The following QKI variants were observed in gnomAD, a reference collection of about 807,000 sequenced individuals.
The protein encoded by QKI is KH domain-containing RNA-binding protein QKI.
Under a neutral mutation model 39.0 loss-of-function variants are expected in QKI, and 10 were observed. That is an observed-to-expected ratio of 0.26 (90% CI 0.16 to 0.43). The LOEUF (loss-of-function observed/expected upper bound fraction) is 0.43. Among genes scored for constraint, QKI ranks in the 20% least tolerant of loss-of-function variants. The probability of loss-of-function intolerance (pLI) is 1.00; values close to 1 mark genes in which losing one functional copy is unlikely to be tolerated. For missense variants in QKI, 218 were observed against 428.0 expected (o/e 0.51, Z 4.33); for synonymous variants, 204 against 155.4 (o/e 1.31, Z -2.33).
At chr6:163,481,205 C>T (rs1793049255) in intron 3 of QKI, among the ~76,000 whole-genome samples, 1 of 152,126 alleles carries the variant, frequency 6.6e-6, no homozygotes, top group Non-Finnish European at 1.5e-5. Context: ...TTAAACTTTT[C>T]TACAGAGTTG....
chr6:163,442,228 A>T (rs1280964028), intron 1 of QKI, among the ~76,000 whole-genome samples: 3 of 152,230 alleles, frequency 2.0e-5, no homozygotes, highest in Non-Finnish European at 4.4e-5. Context: ...TTAGTTGGAA[A>T]ATAGGTTATT....
chr6:163,545,808 G>C (rs182105915), intron 4 of QKI, among the ~76,000 whole-genome samples: 1 of 151,854 alleles, frequency 6.6e-6, no homozygotes, highest in African/African-American at 2.4e-5. Flanking sequence ...GGGACCCTGG[G>C]CATAGAATAA....
At chr6:163,437,265 A>G (rs571510286) in intron 1 of QKI, among the ~76,000 whole-genome samples, 2 of 152,374 alleles carry the variant, frequency 1.3e-5, no homozygotes, top group East Asian at 3.9e-4. Context: ...TACATAAGCT[A>G]TATATGTATA....
intron 2 of QKI, among the ~76,000 whole-genome samples, chr6:163,467,790 T>TA (rs1232608886): frequency 6.6e-6 from 1 of 152,214 alleles, no homozygotes; most frequent in Non-Finnish European, 1.5e-5. Context: ...GTCTCCAACT[T>TA]ACAATGGTCT....
chr6:163,456,787 G>A (rs992254204), intron 2 of QKI, among the ~76,000 whole-genome samples: 23 of 151,962 alleles, frequency 1.5e-4, no homozygotes, highest in Admixed American at 1.4e-3. Context: ...AGGAATAGTT[G>A]GAAAACAAAG....
intron 3 of QKI, among the ~76,000 whole-genome samples, chr6:163,484,140 C>T (rs1327408054): frequency 1.3e-5 from 2 of 151,902 alleles, no homozygotes; most frequent in African/African-American, 4.8e-5. Flanking sequence ...ATAAACCTTT[C>T]TCTGCTGACA....
intron 3 of QKI, among the ~76,000 whole-genome samples, chr6:163,511,876 T>C (rs1256231681): frequency 6.6e-6 from 1 of 152,080 alleles, no homozygotes; most frequent in African/African-American, 2.4e-5. Context: ...GTTACTGTGA[T>C]ACTAAAATTC....
At chr6:163,565,570 TA>T in intron 6 of QKI, 1 of 990,212 alleles carries the variant, frequency 1.0e-6, no homozygotes, top group Non-Finnish European at 1.2e-6. Flanking sequence ...TATAGAAACT[TA>T]ATTATTAGAC....
chr6:163,481,259 G>A (rs1277531223), intron 3 of QKI, among the ~76,000 whole-genome samples: 1 of 152,164 alleles, frequency 6.6e-6, no homozygotes, highest in Non-Finnish European at 1.5e-5. Context: ...ATATGTGTGT[G>A]CGTATATATA....
chr6:163,568,994 A>T (rs1783541922), intron 7 of QKI: 1 of 985,298 alleles, frequency 1.0e-6, no homozygotes, highest in African/African-American at 1.7e-5. Context: ...AAGAAGTCAG[A>T]GTTTTTTCTG....
At chr6:163,443,532 A>G (rs997981335) in intron 1 of QKI, among the ~76,000 whole-genome samples, 2 of 152,232 alleles carry the variant, frequency 1.3e-5, no homozygotes, top group African/African-American at 4.8e-5. Context: ...GCGCCACTAC[A>G]TTCCAGCCTG....
chr6:163,489,647 A>T (rs1186110188), intron 3 of QKI, among the ~76,000 whole-genome samples: 1 of 152,128 alleles, frequency 6.6e-6, no homozygotes, highest in Non-Finnish European at 1.5e-5. Flanking sequence ...GGCTTAAGAA[A>T]CTACTTCTTA....
chr6:163,500,353 G>A (rs999945889), intron 3 of QKI, among the ~76,000 whole-genome samples: 1 of 152,148 alleles, frequency 6.6e-6, no homozygotes, highest in African/African-American at 2.4e-5. Flanking sequence ...TGCAGTTGTT[G>A]AGGCAAGAGA....
At chr6:163,416,033 T>C in intron 1 of QKI, 1 of 184,846 alleles carries the variant, frequency 5.4e-6, no homozygotes, top group Non-Finnish European at 1.1e-5. Flanking sequence ...TGTTAGGGAG[T>C]TGAACTTCAC....
intron 1 of QKI, among the ~76,000 whole-genome samples, chr6:163,426,106 C>T (rs911602702): frequency 6.6e-6 from 1 of 152,288 alleles, no homozygotes; most frequent in East Asian, 1.9e-4. Context: ...CTACAGATAA[C>T]GTAATAACCA....
At chr6:163,536,072 A>C (rs1039262351) in intron 4 of QKI, among the ~76,000 whole-genome samples, 1 of 152,228 alleles carries the variant, frequency 6.6e-6, no homozygotes, top group Non-Finnish European at 1.5e-5. Flanking sequence ...AGTTTATTCA[A>C]CAAGTAAACT....
intron 3 of QKI, among the ~76,000 whole-genome samples, chr6:163,519,756 C>T (rs998210433): frequency 6.6e-6 from 1 of 151,648 alleles, no homozygotes; most frequent in Non-Finnish European, 1.5e-5. Flanking sequence ...TCATAATTAA[C>T]CACAATAATT....
intron 3 of QKI, among the ~76,000 whole-genome samples, chr6:163,526,885 T>C (rs969011471): frequency 2.0e-5 from 3 of 152,186 alleles, no homozygotes; most frequent in Admixed American, 2.0e-4. Flanking sequence ...TAATTAACAA[T>C]TAAATTAGTG....
chr6:163,450,309 C>T (rs563466095), intron 1 of QKI, among the ~76,000 whole-genome samples: 4 of 152,246 alleles, frequency 2.6e-5, no homozygotes, highest in South Asian at 4.1e-4. Flanking sequence ...CTGCCCACCT[C>T]GGCCTCCCAA....
Sources: gnomAD v4.1 joint callset for allele counts (sites outside exome capture counted in the v4.1 genomes callset) on GRCh38, gnomAD v4.1.1 for gene constraint, MANE v1.5 for transcripts, NCBI Gene and HGNC (gene_info 2026-07-23, HGNC 2026-07-21) for gene names.